ASCC3: variants seen among roughly 807,000 people sequenced by gnomAD.
ASCC3 encodes the protein ASC-1 complex subunit P200.
In ASCC3, 158 loss-of-function variants were observed where a neutral mutation model predicts 256.3. That is an observed-to-expected ratio of 0.62 (90% CI 0.54 to 0.70). ASCC3 has a LOEUF of 0.70. ASCC3 is among the 30% of genes least tolerant of loss of function. ASCC3 has a pLI of 0.00. For missense variants in ASCC3, 2,259 were observed against 2,626.0 expected (o/e 0.86, Z 3.05); for synonymous variants, 948 against 883.4 (o/e 1.07, Z -1.30).
chr6:100,592,682 C>T (rs1582516692), intron 34 of ASCC3, among the ~76,000 whole-genome samples: 1 of 151,958 alleles, frequency 6.6e-6, no homozygotes, highest in Admixed American at 6.6e-5. Context: ...TTTTTAGTTA[C>T]TGTGCATCTT....
At chr6:100,853,544 A>G (rs1772795245) in intron 3 of ASCC3, among the ~76,000 whole-genome samples, 2 of 151,766 alleles carry the variant, frequency 1.3e-5, no homozygotes, top group East Asian at 3.9e-4. Context: ...GGCTCCCTGC[A>G]ACCTTCGCCT....
In ASCC3 at chr6:100,631,142, T is replaced by C. The variant is rs867090835; in HGVS notation, c.4194A>G (p.Glu1398=). ...RMDDWKVRIE[E]KLGKKVIELT... is the part of the protein sequence containing the mutation. Reference sequence around the variant, plus strand: ...TAAGAACTTACTTTTTACCAAGTTTTTCTTCTATTCTAACTTTCCAATCAT... The same window carrying C: ...TAAGAACTTACTTTTTACCAAGTTTCTCTTCTATTCTAACTTTCCAATCAT... Residue 1398 remains glutamate, a synonymous_variant, in exon 26 of 42, where the codon GAA becomes GAG. Transcript: ENST00000369162. 4 of 1,610,708 alleles carry C rather than the reference T, an allele frequency of 2.5e-6. No homozygotes were observed. In the South Asian group the frequency reaches 4.4e-5, roughly 18 times the overall value.
At chr6:100,799,409 T>C (rs1354732743) in intron 7 of ASCC3, 22 bp downstream of exon 7, 1 of 1,609,392 alleles carries the variant, frequency 6.2e-7, no homozygotes, top group Non-Finnish European at 8.5e-7. Context: ...TATTGAACAG[T>C]AGTTATATAA....
rs193052909 is a variant in ASCC3 at position 100,773,951 on chromosome 6, T to G, written c.1396-6606A>C. Among the ~76,000 whole-genome samples, 663 of 152,324 alleles carry G rather than the reference T, an allele frequency of 4.4e-3. 5 individuals carry two copies. The highest frequency in any genetic ancestry group is 4.9e-3 in the Non-Finnish European group (336 of 68,024). On this transcript the variant is annotated intron_variant, in intron 8 of 41. Transcript: ENST00000369162. ...AGTAAAAAACCTATTTCTTTGTTTT[T>G]GAAGGTTATAGTTCAAGAAATAAAT...
At chr6:100,837,177 C>T (rs1771919137) in intron 4 of ASCC3, among the ~76,000 whole-genome samples, 1 of 151,864 alleles carries the variant, frequency 6.6e-6, no homozygotes, top group African/African-American at 2.4e-5. Flanking sequence ...AATGAGGTAC[C>T]ATTTCACTCC....
intron 8 of ASCC3, among the ~76,000 whole-genome samples, chr6:100,771,559 A>T (rs1781925615): frequency 6.6e-6 from 1 of 152,090 alleles, no homozygotes; most frequent in Non-Finnish European, 1.5e-5. Context: ...TCAACACAAC[A>T]GTAAAGAAAA....
At chr6:100,769,935 A>G (rs1582836706) in intron 8 of ASCC3, among the ~76,000 whole-genome samples, 2 of 152,130 alleles carry the variant, frequency 1.3e-5, no homozygotes, top group South Asian at 4.1e-4. Flanking sequence ...AAAGAAATTA[A>G]GAATGAGGTT....
At chr6:100,522,261 A>G (rs1216084919) in intron 37 of ASCC3, among the ~76,000 whole-genome samples, 1 of 152,108 alleles carries the variant, frequency 6.6e-6, no homozygotes, top group Non-Finnish European at 1.5e-5. Flanking sequence ...AATTTCAGTG[A>G]GTTGTTGATT....
intron 14 of ASCC3, among the ~76,000 whole-genome samples, chr6:100,675,374 C>CT (rs936256413): frequency 5.3e-4 from 81 of 152,072 alleles, no homozygotes; most frequent in African/African-American, 1.9e-3. Context: ...GTCTGTTATG[C>CT]TATCTTTAGT....
At chr6:100,707,680 C>A (rs754824816) in intron 13 of ASCC3, among the ~76,000 whole-genome samples, 1 of 152,068 alleles carries the variant, frequency 6.6e-6, no homozygotes, top group South Asian at 2.1e-4. Flanking sequence ...AGAATTATCA[C>A]AAAATTGTCT....
At position 100,800,352 on chromosome 6, in the gene ASCC3, C is replaced by T. The variant is rs1437600391; in HGVS notation, c.1075G>A (p.Glu359Lys). 1.2e-6 allele frequency: 2 copies of T among 1,612,938 alleles called. No homozygotes were observed. Among genetic ancestry groups the T allele is most frequent in the African/African-American group, 2.7e-5 (2 of 74,872 alleles). The change falls in exon 6 of 42, where the codon GAA becomes AAA. Residue 359 changes from glutamate (E) to lysine (K), a missense_variant. Glu to Lys is a moderately conservative substitution (Grantham distance 56). Transcript: ENST00000369162. ...RREKKAGEDL[E>K]VSEGLMCFDP... ...AAGCACATAAGTCCTTCTGAAACTTCTAAATCTTCTCCAGCCTTTTTTTCT... is the reference window on the plus strand; with the variant it reads ...AAGCACATAAGTCCTTCTGAAACTTTTAAATCTTCTCCAGCCTTTTTTTCT...
chr6:100,521,430 A>C (rs964914103), intron 37 of ASCC3, among the ~76,000 whole-genome samples: 1 of 152,188 alleles, frequency 6.6e-6, no homozygotes, highest in Non-Finnish European at 1.5e-5. Context: ...AAATAAATTC[A>C]TGTTAGTTTT....
At chr6:100,631,016 TA>T in intron 26 of ASCC3, 111 bp downstream of exon 26, 1 of 767,562 alleles carries the variant, frequency 1.3e-6, no homozygotes, top group East Asian at 2.7e-5. Context: ...AGCAGTTAAA[TA>T]AAAGACTATG....
At position 100,679,633 on chromosome 6, in the gene ASCC3, T is replaced by C. The variant is rs1777193431; in HGVS notation, c.2271A>G (p.Val757=). ...FFFPTQGHDY[V]LAEKQVQRSR... is the part of the protein sequence containing the mutation. ...TGTTTCTTACCTGTTTTTCTGCAAGTACATAGTCATGTCCTTGGGTAGGAA... is the reference window on the plus strand; with the variant it reads ...TGTTTCTTACCTGTTTTTCTGCAAGCACATAGTCATGTCCTTGGGTAGGAA... The change falls in exon 14 of 42, where the codon GTA becomes GTG. Residue 757 remains valine, a synonymous_variant. Transcript: ENST00000369162. The C allele has an allele frequency of 9.3e-6, 15 of 1,613,512 alleles. No individual in the cohort carries two copies. In the East Asian group the frequency reaches 3.1e-4, roughly 34 times the overall value.
At chr6:100,600,512 C>T (rs1420647371) in intron 34 of ASCC3, among the ~76,000 whole-genome samples, 1 of 152,086 alleles carries the variant, frequency 6.6e-6, no homozygotes, top group Non-Finnish European at 1.5e-5. Context: ...CCCAGACACC[C>T]TAACGGTGGA....
chr6:100,635,739 TA>T (rs1251540942), intron 25 of ASCC3, among the ~76,000 whole-genome samples: 4 of 152,018 alleles, frequency 2.6e-5, no homozygotes, highest in Non-Finnish European at 5.9e-5. Context: ...AGGAAAGAGT[TA>T]AAAAATTATG....
intron 13 of ASCC3, among the ~76,000 whole-genome samples, chr6:100,711,143 G>C (rs73502960): frequency 1.3e-5 from 2 of 151,416 alleles, no homozygotes; most frequent in Non-Finnish European, 2.9e-5. Flanking sequence ...CCATACTAAA[G>C]TACCAGGTAC....
intron 10 of ASCC3, among the ~76,000 whole-genome samples, chr6:100,757,130 T>C (rs529708194): frequency 6.6e-6 from 1 of 152,266 alleles, no homozygotes; most frequent in East Asian, 1.9e-4. Context: ...GCTATGGCTA[T>C]TCTAATACAT....
intron 37 of ASCC3, chr6:100,531,096 T>C (rs1774849932): frequency 2.5e-6 from 3 of 1,223,712 alleles, no homozygotes; most frequent in Non-Finnish European, 3.6e-6. Context: ...GTACAATAAA[T>C]ACAACAGAAA....
Sources: gnomAD v4.1 joint callset for allele counts (sites outside exome capture counted in the v4.1 genomes callset) on GRCh38, gnomAD v4.1.1 for gene constraint, MANE v1.5 for transcripts, NCBI Gene and HGNC (gene_info 2026-07-23, HGNC 2026-07-21) for gene names.